QTGAL: variants seen among roughly 807,000 people sequenced by gnomAD.
QTGAL encodes the protein queuosine-tRNA galactosyltransferase, also known as BGnT-like protein 1.
At chr17:82,986,461 G>A in the QTGAL span, among the ~76,000 whole-genome samples, 1 of 152,204 alleles carries the variant, frequency 6.6e-6, no homozygotes, top group Admixed American at 6.5e-5. Flanking sequence ...GCTTCCCCAC[G>A]CTTTAACCAC....
At chr17:83,042,924 C>T in the QTGAL span, among the ~76,000 whole-genome samples, 1 of 152,062 alleles carries the variant, frequency 6.6e-6, no homozygotes, top group East Asian at 1.9e-4. Context: ...AAAAAATAGA[C>T]TTCAACTCAA....
chr17:83,032,391 G>T, the QTGAL span, among the ~76,000 whole-genome samples: 1 of 124,146 alleles, frequency 8.1e-6, no homozygotes, highest in Non-Finnish European at 1.7e-5. Flanking sequence ...CCGAGCTCGG[G>T]AGCTGAACAA....
the QTGAL span, among the ~76,000 whole-genome samples, chr17:82,962,744 G>A: frequency 6.6e-6 from 1 of 152,226 alleles, no homozygotes; most frequent in Non-Finnish European, 1.5e-5. Flanking sequence ...CATGTTACAG[G>A]TTTAAGAAGA....
the QTGAL span, among the ~76,000 whole-genome samples, chr17:82,991,398 G>A: frequency 2.0e-5 from 3 of 152,164 alleles, no homozygotes; most frequent in Non-Finnish European, 4.4e-5. Flanking sequence ...AAGATCTGAT[G>A]GTTTTACATG....
At chr17:82,969,458 C>T in the QTGAL span, among the ~76,000 whole-genome samples, 5 of 145,542 alleles carry the variant, frequency 3.4e-5, no homozygotes, top group Non-Finnish European at 7.7e-5. Context: ...ATCCACCTGC[C>T]TCGGCCTCCC....
chr17:83,031,898 A>G, the QTGAL span, among the ~76,000 whole-genome samples: 3 of 152,228 alleles, frequency 2.0e-5, no homozygotes, highest in Non-Finnish European at 4.4e-5. Flanking sequence ...CAAAACCCCA[A>G]CGTCCTTCGA....
At chr17:82,957,398 G>A in the QTGAL span, 1 of 1,613,214 alleles carries the variant, frequency 6.2e-7, no homozygotes, top group Non-Finnish European at 8.5e-7. Flanking sequence ...GGTACAGCCG[G>A]CGCCCCTGCT....
the QTGAL span, chr17:83,005,038 G>C: frequency 4.0e-5 from 49 of 1,224,162 alleles, no homozygotes; most frequent in East Asian, 1.1e-3. The surrounding 1 kb of genome is among the most constrained non-coding windows in gnomAD (Gnocchi z 5.6). Flanking sequence ...AGACACAAGA[G>C]GCCACAGCAT....
chr17:82,986,005 G>A, the QTGAL span, among the ~76,000 whole-genome samples: 31 of 152,218 alleles, frequency 2.0e-4, no homozygotes, highest in African/African-American at 7.2e-4. Context: ...TCCAAGTGCT[G>A]AGTGCCTGGG....
chr17:83,018,039 G>A, the QTGAL span, among the ~76,000 whole-genome samples: 450 of 108,386 alleles, frequency 4.2e-3, 7 homozygotes, highest in African/African-American at 0.015. Flanking sequence ...CACGTGCTCC[G>A]TGAACACCGT....
At chr17:82,983,193 T>C in the QTGAL span, among the ~76,000 whole-genome samples, 78 of 152,202 alleles carry the variant, frequency 5.1e-4, no homozygotes, top group Middle Eastern at 3.4e-3. Flanking sequence ...GGCAGGAGAA[T>C]TGCTTGAACC....
chr17:82,977,404 A>G, the QTGAL span, among the ~76,000 whole-genome samples: 3 of 152,172 alleles, frequency 2.0e-5, no homozygotes, highest in Admixed American at 2.0e-4. Flanking sequence ...TTGCTTCGAA[A>G]GACTCCGGGT....
the QTGAL span, among the ~76,000 whole-genome samples, chr17:82,998,295 T>C: frequency 1.8e-4 from 27 of 152,164 alleles, no homozygotes; most frequent in Admixed American, 1.6e-3. Flanking sequence ...AAAAAGCATG[T>C]CCATAAAAGG....
chr17:83,008,662 G>A, the QTGAL span, among the ~76,000 whole-genome samples: 1 of 152,158 alleles, frequency 6.6e-6, no homozygotes, highest in Non-Finnish European at 1.5e-5. Context: ...CAAAGGCAAC[G>A]CAGCTTCTGG....
At chr17:83,049,570 T>A in the QTGAL span, among the ~76,000 whole-genome samples, 1 of 151,894 alleles carries the variant, frequency 6.6e-6, no homozygotes, top group African/African-American at 2.4e-5. Flanking sequence ...TGGCTGGTCA[T>A]GTTCTAGGTG....
At chr17:82,947,706 G>C in the QTGAL span, 5 of 152,406 alleles carry the variant, frequency 3.3e-5, no homozygotes, top group African/African-American at 1.2e-4. Context: ...TTGGTCCTTG[G>C]GCCCAGCAGG....
At chr17:82,999,685 A>T in the QTGAL span, among the ~76,000 whole-genome samples, 1 of 152,222 alleles carries the variant, frequency 6.6e-6, no homozygotes, top group South Asian at 2.1e-4. Flanking sequence ...ACTGTACTGT[A>T]TTTATTGATA....
chr17:82,991,454 C>T, the QTGAL span, among the ~76,000 whole-genome samples: 1 of 152,174 alleles, frequency 6.6e-6, no homozygotes, highest in African/African-American at 2.4e-5. Flanking sequence ...TGCCTGTCGC[C>T]ATCCACGTAA....
chr17:82,983,719 G>A, the QTGAL span, among the ~76,000 whole-genome samples: 3 of 152,206 alleles, frequency 2.0e-5, no homozygotes, highest in East Asian at 3.8e-4. Flanking sequence ...GCCCTAGAGC[G>A]GGCAGGGGCA....
Sources: allele counts gnomAD v4.1 joint callset (sites outside exome capture counted in the v4.1 genomes callset), GRCh38; gene constraint gnomAD v4.1.1; non-coding constraint Gnocchi (gnomAD v3.1); transcripts MANE v1.5; gene names NCBI Gene and HGNC (gene_info 2026-07-23, HGNC 2026-07-21).